Variants in MALRD1 observed in about 807,000 individuals in gnomAD.
The protein encoded by MALRD1 is MAM and LDL-receptor class A domain-containing protein 1.
MALRD1 carries 247 observed loss-of-function variants against 242.1 expected under a neutral mutation model. The ratio of observed to expected loss-of-function variants is 1.02; its 90% CI spans 0.92 to 1.13. The LOEUF is 1.13. Ranked by LOEUF, MALRD1 falls within the 50% of genes most tolerant of loss-of-function variation. MALRD1 has a pLI of 0.00. For synonymous variants in MALRD1, 995 were observed against 866.6 expected (o/e 1.15, Z -2.60); for missense variants, 2,989 against 2,533.1 (o/e 1.18, Z -3.86).
intron 29 of MALRD1, among the ~76,000 whole-genome samples, chr10:19,456,796 C>G (rs1465236132): frequency 1.1e-5 from 1 of 92,420 alleles, no homozygotes; most frequent in Non-Finnish European, 2.2e-5. Flanking sequence ...TATTTTGAGA[C>G]AGAGTCTCGC....
In MALRD1 at chr10:19,324,104, A is replaced by G. The variant is rs1249936432; in HGVS notation, c.3575A>G (p.Gln1192Arg). ...HMNGATVGSL[Q>R]VLIKKDNVTS... ...AATGGGGCCACCGTTGGTTCTCTCC[A>G]GGTACTGCTTAGGCAATCACATTTT... Residue 1192 changes from glutamine to arginine, a missense_variant and splice_region_variant, in exon 22 of 40, where the codon CAG becomes CGG. Gln to Arg is a conservative substitution (Grantham distance 43). Coordinates refer to ENST00000454679, the MANE Select transcript of MALRD1 (RefSeq NM_001142308.3). 12 of 1,549,906 alleles carry G rather than the reference A, an allele frequency of 7.7e-6. No homozygotes were observed. In the African/African-American group the frequency reaches 1.2e-4, roughly 16 times the overall value.
intron 38 of MALRD1, chr10:19,721,809 A>G (rs894727564): frequency 6.6e-6 from 1 of 152,270 alleles, no homozygotes; most frequent in Non-Finnish European, 1.5e-5. Flanking sequence ...TCTTCAGGGA[A>G]GCCGCCAAGC....
At chr10:19,489,661 T>C (rs191230629) in intron 29 of MALRD1, among the ~76,000 whole-genome samples, 215 of 152,350 alleles carry the variant, frequency 1.4e-3, no homozygotes, top group African/African-American at 4.5e-3. Context: ...ATGCTTTCAC[T>C]GTCTTGGTTG....
chr10:19,232,009 T>G (rs1838100909), intron 18 of MALRD1, among the ~76,000 whole-genome samples: 1 of 152,196 alleles, frequency 6.6e-6, no homozygotes, highest in Non-Finnish European at 1.5e-5. Context: ...AATTCTGCTC[T>G]TTTATAGAGA....
intron 28 of MALRD1, among the ~76,000 whole-genome samples, chr10:19,410,465 C>A (rs1234487698): frequency 6.6e-6 from 1 of 152,114 alleles, no homozygotes; most frequent in African/African-American, 2.4e-5. Context: ...TGTAGTCAGG[C>A]ATTTCAAACC....
intron 10 of MALRD1, among the ~76,000 whole-genome samples, chr10:19,140,212 A>G (rs1833490791): frequency 1.3e-5 from 2 of 152,118 alleles, no homozygotes; most frequent in Admixed American, 6.6e-5. Context: ...GATTCATAAA[A>G]TATTTTGCTT....
At chr10:19,650,588 A>G (rs1840830409) in intron 36 of MALRD1, among the ~76,000 whole-genome samples, 1 of 152,180 alleles carries the variant, frequency 6.6e-6, no homozygotes, top group African/African-American at 2.4e-5. Context: ...AAGAGACATA[A>G]TAATAGCAAA....
At chr10:19,677,739 G>A (rs772035066) in intron 36 of MALRD1, among the ~76,000 whole-genome samples, 1 of 152,100 alleles carries the variant, frequency 6.6e-6, no homozygotes, top group Non-Finnish European at 1.5e-5. Context: ...TGAAATCTTT[G>A]CCCATGCCTA....
rs202204577 is a variant in MALRD1 at position 19,350,271 on chromosome 10, CT to C, written c.4150-1718del. Reference sequence around the variant, plus strand: ...GACCTTAATGATTTTTTCTTTTTTTCTTTTTTTTTTTTTTTTTGAGATGGAG... The same window carrying C: ...GACCTTAATGATTTTTTCTTTTTTTCTTTTTTTTTTTTTTTTGAGATGGAG... On this transcript the variant is annotated intron_variant, in intron 25 of 39. Transcript: ENST00000454679. Among the ~76,000 whole-genome samples, 152 of 118,502 alleles carry C rather than the reference CT, an allele frequency of 1.3e-3. 1 individual carries two copies. The highest frequency in any genetic ancestry group is 2.5e-3 in the African/African-American group (79 of 31,066). The allele number at this position is 118,502 out of a possible 152,430, so 77.7% of individuals were successfully genotyped here.
Position 19,312,728 on chromosome 10 carries a change from CTA to C in MALRD1, c.3420-11218_3420-11217del, listed in dbSNP as rs1312755082. On this transcript the variant is annotated intron_variant, in intron 21 of 39. Coordinates refer to ENST00000454679, the MANE Select transcript of MALRD1 (RefSeq NM_001142308.3). ...CAACTACTTCTACACTGCTTTCCTCCTATAGACTCTTAGGCTGTATGCTGATT... is the reference window on the plus strand; with the variant it reads ...CAACTACTTCTACACTGCTTTCCTCCTAGACTCTTAGGCTGTATGCTGATT... Among the ~76,000 whole-genome samples the C allele has an allele frequency of 2.0e-5, 3 of 151,340 alleles. No individual in the cohort carries two copies. In the East Asian group the frequency reaches 5.9e-4, roughly 30 times the overall value.
intron 32 of MALRD1, among the ~76,000 whole-genome samples, chr10:19,559,097 C>T (rs141470161): frequency 5.9e-5 from 9 of 151,934 alleles, no homozygotes; most frequent in East Asian, 3.9e-4. Context: ...GTGGGAGAAT[C>T]GCTTGAACCT....
chr10:19,676,035 A>G (rs1405422042), intron 36 of MALRD1, among the ~76,000 whole-genome samples: 2 of 152,174 alleles, frequency 1.3e-5, no homozygotes, highest in South Asian at 4.1e-4. Context: ...CTTCCAGCCA[A>G]TGAAAACAGA....
chr10:19,492,975 T>G (rs1837557002), intron 30 of MALRD1, among the ~76,000 whole-genome samples: 1 of 152,186 alleles, frequency 6.6e-6, no homozygotes, highest in African/African-American at 2.4e-5. Context: ...TAATATATTT[T>G]TAAACTTTAA....
intron 26 of MALRD1, among the ~76,000 whole-genome samples, chr10:19,387,069 C>A (rs982111936): frequency 2.0e-5 from 3 of 152,106 alleles, no homozygotes; most frequent in Non-Finnish European, 4.4e-5. Flanking sequence ...AGGTATCTTA[C>A]ATATCGTGGC....
intron 36 of MALRD1, among the ~76,000 whole-genome samples, chr10:19,679,037 A>T (rs1337735151): frequency 6.6e-6 from 1 of 152,150 alleles, no homozygotes; most frequent in Non-Finnish European, 1.5e-5. Context: ...GCTTTTTGAT[A>T]TGCTGCTGGA....
At chr10:19,088,284 C>T (rs1038912430) in intron 4 of MALRD1, 99 bp downstream of exon 4, 14 of 1,089,702 alleles carry the variant, frequency 1.3e-5, no homozygotes, top group African/African-American at 1.6e-5. Context: ...TCCCAGTTTG[C>T]CAGGGACTGA....
chr10:19,064,304 T>C (rs1359759816), intron 1 of MALRD1, among the ~76,000 whole-genome samples: 2 of 152,216 alleles, frequency 1.3e-5, no homozygotes, highest in African/African-American at 2.4e-5. Context: ...TAATCTACAT[T>C]GTGACAGATT....
At chr10:19,671,266 A>G (rs886738388) in intron 36 of MALRD1, among the ~76,000 whole-genome samples, 3 of 152,180 alleles carry the variant, frequency 2.0e-5, no homozygotes, top group African/African-American at 7.2e-5. Flanking sequence ...ATATACATTT[A>G]TTATTTTGCA....
chr10:19,327,708 TCTG>T (rs1051569313), intron 23 of MALRD1, 35 bp downstream of exon 23: 4 of 1,468,304 alleles, frequency 2.7e-6, no homozygotes, highest in African/African-American at 1.4e-5. Flanking sequence ...GTGAGTGAGT[TCTG>T]CTGATTTTTT....
Sources: gnomAD v4.1 joint callset for allele counts (sites outside exome capture counted in the v4.1 genomes callset) on GRCh38, gnomAD v4.1.1 for gene constraint, MANE v1.5 for transcripts, NCBI Gene and HGNC (gene_info 2026-07-23, HGNC 2026-07-21) for gene names.